The following LSAMP variants were observed in gnomAD, a reference collection of about 807,000 sequenced individuals.
LSAMP encodes the protein limbic system-associated membrane protein.
In LSAMP, 7 loss-of-function variants were observed where a neutral mutation model predicts 38.6. The observed-to-expected ratio is 0.18, with a 90% CI of 0.10 to 0.34. The LOEUF (loss-of-function observed/expected upper bound fraction) is 0.34, where lower values mean the gene tolerates loss of function less well. Ranked by LOEUF, LSAMP falls within the 10% of genes least tolerant of loss-of-function variation. LSAMP has a pLI of 1.00. For synonymous variants in LSAMP, 154 were observed against 166.8 expected (o/e 0.92, Z 0.59); for missense variants, 313 against 420.0 (o/e 0.75, Z 2.23).
At chr3:116,083,021 A>C (rs974799423) in intron 2 of LSAMP, among the ~76,000 whole-genome samples, 4 of 152,158 alleles carry the variant, frequency 2.6e-5, no homozygotes, top group Admixed American at 2.0e-4. Context: ...AACCTAAAAT[A>C]ATTTTTTTAA....
chr3:116,299,063 A>G (rs2047372396), intron 1 of LSAMP, among the ~76,000 whole-genome samples: 1 of 152,238 alleles, frequency 6.6e-6, no homozygotes, highest in Admixed American at 6.5e-5. Context: ...CAAATGTCTC[A>G]GAGCACAGAG....
chr3:116,165,780 T>C lies in LSAMP; in HGVS notation c.156-79224A>G, dbSNP rs113682575. Among the ~76,000 whole-genome samples the C allele has an allele frequency of 1.3e-3, 203 of 152,280 alleles. 1 individual carries two copies. Among genetic ancestry groups the C allele is most frequent in the African/African-American group, 3.4e-3 (141 of 41,566 alleles). ...CCTCTTGTTCTTAATGCTACAAATA[T>C]GCCAAACTTCTTATCACCAGGGGCC... On this transcript the variant is annotated intron_variant, in intron 1 of 6. Transcript: ENST00000490035.
chr3:116,299,428 C>T (rs6785857), intron 1 of LSAMP, among the ~76,000 whole-genome samples: 1,884 of 152,330 alleles, frequency 0.012, 32 homozygotes, highest in African/African-American at 0.042. Flanking sequence ...TATCCACTGA[C>T]TGACTGAGAA....
chr3:115,975,241 G>A (rs1281316645), intron 3 of LSAMP, among the ~76,000 whole-genome samples: 2 of 152,022 alleles, frequency 1.3e-5, no homozygotes, highest in East Asian at 3.9e-4. Context: ...GCAACACAGT[G>A]AGACCCCATC....
intron 1 of LSAMP, among the ~76,000 whole-genome samples, chr3:116,138,158 G>A (rs534597720): frequency 6.6e-6 from 1 of 152,204 alleles, no homozygotes; most frequent in Non-Finnish European, 1.5e-5. Context: ...GAACATCAAA[G>A]TTGTAAAGAA....
chr3:116,139,646 A>G (rs1260623657), intron 1 of LSAMP, among the ~76,000 whole-genome samples: 1 of 151,962 alleles, frequency 6.6e-6, no homozygotes, highest in African/African-American at 2.4e-5. Context: ...TTCATCGTCA[A>G]CCTAGGGGCC....
At chr3:116,411,711 G>A (rs377410388) in intron 1 of LSAMP, among the ~76,000 whole-genome samples, 2 of 150,552 alleles carry the variant, frequency 1.3e-5, no homozygotes, top group Non-Finnish European at 3.0e-5. Flanking sequence ...CACCAGCATG[G>A]CACATGTATA....
intron 1 of LSAMP, among the ~76,000 whole-genome samples, chr3:116,278,589 T>G (rs1166905479): frequency 6.6e-6 from 1 of 152,214 alleles, no homozygotes; most frequent in East Asian, 1.9e-4. Flanking sequence ...ACTTTAGCTT[T>G]GAAGTAACTG....
chr3:116,184,350 G>T (rs925107230), intron 1 of LSAMP, among the ~76,000 whole-genome samples: 1 of 151,874 alleles, frequency 6.6e-6, no homozygotes, highest in East Asian at 1.9e-4. Context: ...AAAGACAAGG[G>T]TATAAATCCT....
At chr3:115,935,316 G>A (rs1434055057) in intron 3 of LSAMP, among the ~76,000 whole-genome samples, 1 of 152,168 alleles carries the variant, frequency 6.6e-6, no homozygotes, top group African/African-American at 2.4e-5. Context: ...CAGAAGCCCT[G>A]AGGGATGACT....
At chr3:116,166,587 T>C (rs1262924279) in intron 1 of LSAMP, among the ~76,000 whole-genome samples, 1 of 152,142 alleles carries the variant, frequency 6.6e-6, no homozygotes, top group Non-Finnish European at 1.5e-5. Context: ...TATATATGCA[T>C]GTATATATGT....
At chr3:115,996,019 CTTAGAATATATTTTAAATATATACT>C in intron 3 of LSAMP, among the ~76,000 whole-genome samples, 1 of 151,840 alleles carries the variant, frequency 6.6e-6, no homozygotes, top group African/African-American at 2.4e-5. Flanking sequence ...AAAGAAATAC[CTTAGAATATATTTTAAATATATACT>C]TTAGAATATA....
intron 1 of LSAMP, among the ~76,000 whole-genome samples, chr3:116,192,922 T>C (rs895682003): frequency 1.3e-5 from 2 of 152,196 alleles, no homozygotes; most frequent in African/African-American, 2.4e-5. Context: ...TTGGATTACA[T>C]TGGTACCAGA....
At chr3:116,196,999 G>A (rs1710898046) in intron 1 of LSAMP, among the ~76,000 whole-genome samples, 1 of 152,024 alleles carries the variant, frequency 6.6e-6, no homozygotes, top group Non-Finnish European at 1.5e-5. Context: ...CCTCCCAAAA[G>A]GTCCATTAAA....
chr3:116,220,186 A>ACACACACACT (rs1491209936), intron 1 of LSAMP, among the ~76,000 whole-genome samples: 1 of 2,832 alleles, frequency 3.5e-4, no homozygotes, highest in Non-Finnish European at 2.4e-3. Context: ...CCATCTCAAA[A>ACACACACACT]CACACACACA....
At chr3:116,092,403 G>GA (rs948838870) in intron 1 of LSAMP, among the ~76,000 whole-genome samples, 3 of 151,682 alleles carry the variant, frequency 2.0e-5, no homozygotes, top group African/African-American at 4.8e-5. Flanking sequence ...GAAAAACTGT[G>GA]AAAAAAAAGT....
intron 3 of LSAMP, among the ~76,000 whole-genome samples, chr3:115,965,375 C>T (rs1938767362): frequency 6.6e-6 from 1 of 151,434 alleles, no homozygotes; most frequent in Admixed American, 6.6e-5. Context: ...CAGAAAATAT[C>T]AATTCTAACT....
chr3:116,190,128 C>CACACAT lies in LSAMP; in HGVS notation c.156-103573_156-103572insATGTGT, dbSNP rs768880292. Among the ~76,000 whole-genome samples the CACACAT allele has an allele frequency of 6.6e-3, 967 of 146,368 alleles. 14 individuals carry two copies. Among genetic ancestry groups the CACACAT allele is most frequent in the African/African-American group, 0.021 (819 of 39,900 alleles). ...ACACACACACACACACACACACACA[C>CACACAT]ATGCATTAAGAAATCTCCACAGCTA... On this transcript the variant is annotated intron_variant, in intron 1 of 6. Coordinates refer to ENST00000490035, the MANE Select transcript of LSAMP (RefSeq NM_002338.5).
At chr3:116,375,107 C>A (rs1165062374) in intron 1 of LSAMP, among the ~76,000 whole-genome samples, 1 of 151,884 alleles carries the variant, frequency 6.6e-6, no homozygotes, top group East Asian at 1.9e-4. Context: ...GCTTTGAAGT[C>A]ATGTTATGAT....
Sources: gnomAD v4.1 joint callset for allele counts (sites outside exome capture counted in the v4.1 genomes callset) on GRCh38, gnomAD v4.1.1 for gene constraint, MANE v1.5 for transcripts, NCBI Gene and HGNC (gene_info 2026-07-23, HGNC 2026-07-21) for gene names.